Variants in TUBGCP3 observed in about 807,000 individuals in gnomAD.
The protein encoded by TUBGCP3 is gamma-tubulin complex component 3.
Under a neutral mutation model 123.1 loss-of-function variants are expected in TUBGCP3, and 50 were observed. That is an observed-to-expected ratio of 0.41 (90% confidence interval 0.32 to 0.51). TUBGCP3 has a LOEUF of 0.51. TUBGCP3 is among the 20% of genes least tolerant of loss of function. The pLI, the probability that TUBGCP3 is intolerant of heterozygous loss-of-function variation, is 0.36. For missense variants in TUBGCP3, 882 were observed against 1,127.0 expected (o/e 0.78, Z 3.11); for synonymous variants, 405 against 413.9 (o/e 0.98, Z 0.26).
chr13:112,590,223 G>A (rs574890438), upstream of TUBGCP3, among the ~76,000 whole-genome samples: 6 of 152,032 alleles, frequency 3.9e-5, no homozygotes, highest in East Asian at 1.9e-4. Context: ...TGATGTGCCC[G>A]CCTCGGCCTC....
intron 19 of TUBGCP3, among the ~76,000 whole-genome samples, chr13:112,503,328 G>A (rs1399251706): frequency 2.0e-5 from 3 of 152,164 alleles, no homozygotes; most frequent in Admixed American, 6.5e-5. Context: ...GAATGTTCGC[G>A]AAAAATGTCA....
intron 10 of TUBGCP3, 35 bp downstream of exon 10, chr13:112,547,577 TCGCGCGTG>T: frequency 9.9e-7 from 1 of 1,006,966 alleles, no homozygotes; most frequent in Non-Finnish European, 1.3e-6. Context: ...CGTGGGAAAG[TCGCGCGTG>T]GGAAAGACGT....
At chr13:112,538,460 G>C (rs1878246968) in intron 11 of TUBGCP3, among the ~76,000 whole-genome samples, 1 of 152,106 alleles carries the variant, frequency 6.6e-6, no homozygotes, top group Admixed American at 6.6e-5. Context: ...GGGTCTCTTT[G>C]CTCTGTTCAT....
chr13:112,575,853 T>G (rs1304159059), intron 1 of TUBGCP3, among the ~76,000 whole-genome samples: 3 of 152,082 alleles, frequency 2.0e-5, no homozygotes, highest in Admixed American at 6.5e-5. Context: ...AAGGAGCCAA[T>G]GAGCCAAGGA....
chr13:112,552,922 GCA>G (rs140526039), intron 8 of TUBGCP3, among the ~76,000 whole-genome samples: 2,193 of 143,786 alleles, frequency 0.015, 68 homozygotes, highest in African/African-American at 0.054. Flanking sequence ...CGCTGCCACA[GCA>G]CACTCCTCCC....
chr13:112,506,415 C>T (rs1395352590), intron 17 of TUBGCP3, among the ~76,000 whole-genome samples: 1 of 152,222 alleles, frequency 6.6e-6, no homozygotes, highest in Non-Finnish European at 1.5e-5. Context: ...GCAAAGAATC[C>T]TCAGCGCTCC....
intron 6 of TUBGCP3, 24 bp from the exon 7 acceptor site, chr13:112,555,029 A>C: frequency 7.2e-7 from 1 of 1,393,362 alleles, no homozygotes. Context: ...TTTTAAAGAC[A>C]GTAATTACTA....
At chr13:112,530,562 C>T (rs1335847379) in intron 11 of TUBGCP3, among the ~76,000 whole-genome samples, 3 of 152,352 alleles carry the variant, frequency 2.0e-5, no homozygotes, top group Non-Finnish European at 2.9e-5. Context: ...GCGGGAGGCC[C>T]GCTTTCTCAA....
intron 1 of TUBGCP3, among the ~76,000 whole-genome samples, chr13:112,582,863 G>T (rs1882370443): frequency 6.6e-6 from 1 of 152,196 alleles, no homozygotes; most frequent in Non-Finnish European, 1.5e-5. Flanking sequence ...AGGGCACACT[G>T]CCTGACCAGA....
chr13:112,563,109 G>A (rs1880650457), intron 3 of TUBGCP3, among the ~76,000 whole-genome samples: 1 of 152,118 alleles, frequency 6.6e-6, no homozygotes, highest in Non-Finnish European at 1.5e-5. Flanking sequence ...CCCAGCTCAG[G>A]AACAGCACAG....
At chr13:112,544,004 C>T (rs1878742170) in intron 11 of TUBGCP3, among the ~76,000 whole-genome samples, 1 of 152,156 alleles carries the variant, frequency 6.6e-6, no homozygotes, top group South Asian at 2.1e-4. Flanking sequence ...AGTGAGATGG[C>T]ACATTTCGTG....
chr13:112,540,660 G>C (rs1015176698), intron 11 of TUBGCP3, among the ~76,000 whole-genome samples: 2 of 149,488 alleles, frequency 1.3e-5, no homozygotes, highest in Non-Finnish European at 2.9e-5. Context: ...GTAGCCCTAT[G>C]AGCATTCAGA....
rs181358106 is a variant in TUBGCP3 at position 112,543,266 on chromosome 13, T to C, written c.1335+2433A>G. On this transcript the variant is annotated intron_variant, in intron 11 of 21. Coordinates refer to ENST00000261965, the MANE Select transcript of TUBGCP3 (RefSeq NM_006322.6). ...AAAGTTTACTAGTGATTTTAACATT[T>C]AGAAAGATACAGGCTCACAAAAGCT... is the stretch of plus-strand genomic sequence containing the variant. 1.8e-4 allele frequency among the ~76,000 whole-genome samples: 28 copies of C among 152,340 alleles called. No individual in the cohort carries two copies. The East Asian group carries it at 4.0e-3, about 22-fold the overall frequency.
intron 21 of TUBGCP3, among the ~76,000 whole-genome samples, chr13:112,486,656 C>T (rs1879691453): frequency 1.3e-5 from 2 of 152,218 alleles, no homozygotes; most frequent in Admixed American, 1.3e-4. Flanking sequence ...TTCATGGGCA[C>T]TGGCATCGCC....
intron 2 of TUBGCP3, among the ~76,000 whole-genome samples, chr13:112,566,070 T>C (rs1880936077): frequency 6.6e-6 from 1 of 152,270 alleles, no homozygotes; most frequent in Non-Finnish European, 1.5e-5. Flanking sequence ...CAAATGTCTT[T>C]GGCTGTTCCA....
intron 17 of TUBGCP3, among the ~76,000 whole-genome samples, chr13:112,506,042 G>T (rs778022296): frequency 6.6e-6 from 1 of 152,160 alleles, no homozygotes; most frequent in Non-Finnish European, 1.5e-5. Flanking sequence ...ATATATGGCA[G>T]CCAGTAACAA....
chr13:112,579,090 T>C (rs1266266231), intron 1 of TUBGCP3, among the ~76,000 whole-genome samples: 1 of 152,146 alleles, frequency 6.6e-6, no homozygotes, highest in Non-Finnish European at 1.5e-5. Context: ...AAAAAATATG[T>C]GCAAAACACA....
intron 17 of TUBGCP3, among the ~76,000 whole-genome samples, chr13:112,514,405 A>C (rs1204761762): frequency 6.6e-6 from 1 of 152,050 alleles, no homozygotes; most frequent in Non-Finnish European, 1.5e-5. Flanking sequence ...TAATCCCAGC[A>C]CTCTGGAAGG....
rs1879910050 is a variant in TUBGCP3 at position 112,554,998 on chromosome 13, C to T, written c.729G>A (p.Met243Ile). The T allele has an allele frequency of 6.3e-7, 1 of 1,592,778 alleles. No homozygotes were observed. Among genetic ancestry groups the T allele is most frequent in the Middle Eastern group, 1.7e-4 (1 of 5,974 alleles). The change falls in exon 7 of 22, where the codon ATG becomes ATA. Residue 243 changes from methionine to isoleucine, a missense_variant. Physicochemically the swap from Met to Ile is conservative, Grantham distance 10. Transcript: ENST00000261965. ...SRREGDTGGTMEITEAALVRD... is the reference protein window; with the variant it reads ...SRREGDTGGTIEITEAALVRD... ...TTACCAGAGCTGCTTCTGTAATTTC[C>T]ATAGTACCTGCAAAATCATTTTTTA...
Sources: gnomAD v4.1 joint callset for allele counts (sites outside exome capture counted in the v4.1 genomes callset) on GRCh38, gnomAD v4.1.1 for gene constraint, MANE v1.5 for transcripts, NCBI Gene and HGNC (gene_info 2026-07-23, HGNC 2026-07-21) for gene names.